PDZD9: variants seen among roughly 807,000 people sequenced by gnomAD.
PDZD9 encodes PDZ domain-containing protein 9.
PDZD9 carries 13 observed loss-of-function variants against 16.3 expected under a neutral mutation model. That is an observed-to-expected ratio of 0.80 (90% CI 0.52 to 1.27). The LOEUF is 1.27. Ranked by LOEUF, PDZD9 falls within the 50% of genes most tolerant of loss-of-function variation. PDZD9 has a pLI of 0.00. For missense variants in PDZD9, 288 were observed against 310.9 expected (o/e 0.93, Z 0.55); for synonymous variants, 120 against 111.0 (o/e 1.08, Z -0.51).
chr16:22,000,876 A>ATGATG (rs1899283125), intron 1 of PDZD9, 141 bp downstream of exon 1: 5 of 545,250 alleles, frequency 9.2e-6, no homozygotes, highest in African/African-American at 2.6e-5. Flanking sequence ...TGATGATGAT[A>ATGATG]ATGATGATGA....
intron 2 of PDZD9, chr16:21,995,401 A>G: frequency 5.7e-6 from 2 of 348,536 alleles, no homozygotes; most frequent in Middle Eastern, 1.0e-3. Context: ...ACTAATATAG[A>G]CAGCATCTCA....
the PDZD9 span, chr16:21,962,837 C>G: frequency 2.5e-6 from 4 of 1,614,070 alleles, no homozygotes; most frequent in Non-Finnish European, 3.4e-6. Flanking sequence ...TGACCTTCAG[C>G]CTCAGCTAAA....
chr16:21,969,676 C>T, the PDZD9 span, among the ~76,000 whole-genome samples: 1 of 152,058 alleles, frequency 6.6e-6, no homozygotes, highest in Non-Finnish European at 1.5e-5. Flanking sequence ...CAAATTACAG[C>T]TTAAGATATA....
the PDZD9 span, among the ~76,000 whole-genome samples, chr16:21,969,978 C>T: frequency 6.6e-6 from 1 of 152,056 alleles, no homozygotes; most frequent in Non-Finnish European, 1.5e-5. Context: ...AGGTGATCCT[C>T]CCACCTCAGC....
the PDZD9 span, chr16:21,973,968 G>A: frequency 6.2e-7 from 1 of 1,607,494 alleles, no homozygotes; most frequent in Non-Finnish European, 8.5e-7. Flanking sequence ...GGCCACAGCT[G>A]CTGGAGATGT....
the PDZD9 span, chr16:21,968,764 A>C: frequency 7.6e-7 from 1 of 1,313,168 alleles, no homozygotes; most frequent in Non-Finnish European, 1.0e-6. Context: ...TGAACATAGG[A>C]TTGAACAAAA....
the PDZD9 span, chr16:21,971,643 G>T: frequency 8.7e-6 from 14 of 1,608,076 alleles, no homozygotes; most frequent in Non-Finnish European, 1.2e-5. Flanking sequence ...TTCTATTAGG[G>T]TTAATTTATC....
chr16:21,969,510 C>T, the PDZD9 span, among the ~76,000 whole-genome samples: 9 of 152,098 alleles, frequency 5.9e-5, no homozygotes, highest in African/African-American at 1.2e-4. Flanking sequence ...CCAGCAAGGG[C>T]GACAGAGTGA....
the PDZD9 span, chr16:21,962,625 T>A: frequency 1.3e-6 from 2 of 1,592,048 alleles, no homozygotes; most frequent in Non-Finnish European, 1.7e-6. Flanking sequence ...TTTTGGATTA[T>A]TGTTCATAAA....
intron 2 of PDZD9, among the ~76,000 whole-genome samples, chr16:21,990,894 C>G (rs1171123557): frequency 6.6e-6 from 1 of 152,198 alleles, no homozygotes. Context: ...GCCCTTCATA[C>G]AGAAACACCA....
intron 2 of PDZD9, among the ~76,000 whole-genome samples, chr16:21,994,825 A>C (rs1272617793): frequency 5.3e-5 from 8 of 151,846 alleles, no homozygotes; most frequent in Non-Finnish European, 8.8e-5. Flanking sequence ...TCATTAAGTA[A>C]ATTTAATTTT....
At position 21,984,017 on chromosome 16, in the gene PDZD9, T is replaced by C. The variant is rs969827662; in HGVS notation, c.*250A>G. Reference sequence around the variant, plus strand: ...TATTGGATTTCTCTACGGCATTTTCTAAAAGAAAGAAATTCTTCTCAAAAA... The same window carrying C: ...TATTGGATTTCTCTACGGCATTTTCCAAAAGAAAGAAATTCTTCTCAAAAA... On this transcript the variant is annotated 3_prime_UTR_variant, in exon 4 of 4. Transcript: ENST00000424898. The C allele has an allele frequency of 3.0e-6, 1 of 333,404 alleles. No individual in the cohort carries two copies. Among genetic ancestry groups the C allele is most frequent in the African/African-American group, 2.1e-5 (1 of 47,422 alleles). 20.7% of individuals were successfully genotyped at this position (333,404 alleles called of 1,614,324 possible).
chr16:21,962,419 C>T, the PDZD9 span: 10 of 1,609,958 alleles, frequency 6.2e-6, no homozygotes, highest in Non-Finnish European at 8.5e-6. Flanking sequence ...AGCTTACTAT[C>T]CTGATTCAGA....
At chr16:21,980,388 A>G, downstream of PDZD9, 1 of 741,734 alleles carries the variant, frequency 1.3e-6, no homozygotes, top group Non-Finnish European at 2.2e-6. Context: ...GTTCCAGAGA[A>G]GGGAGTGGCA....
rs1212859965 is a variant in PDZD9 at position 21,988,586 on chromosome 16, A to G, written c.401+16T>C. The stretch of plus-strand genomic sequence containing the variant: ...TTCTGTATTATAACAAAGAGTTCCT[A>G]AAATGAACTATTTACCTTGTTACTG... On this transcript the variant is annotated intron_variant, in intron 3 of 3. Coordinates refer to ENST00000424898, the MANE Select transcript of PDZD9 (RefSeq NM_001363519.1). The G allele has an allele frequency of 6.3e-7, 1 of 1,584,856 alleles. No individual in the cohort carries two copies.
chr16:21,970,064 G>C, the PDZD9 span, among the ~76,000 whole-genome samples: 22 of 152,102 alleles, frequency 1.4e-4, no homozygotes, highest in South Asian at 4.4e-3. Flanking sequence ...GGAGTCATAC[G>C]ATATGTGGCC....
the PDZD9 span, among the ~76,000 whole-genome samples, chr16:21,974,305 T>G: frequency 6.6e-6 from 1 of 152,024 alleles, no homozygotes; most frequent in Non-Finnish European, 1.5e-5. Context: ...GTGTAGAGAT[T>G]GTGTTGAAAT....
intron 3 of PDZD9, among the ~76,000 whole-genome samples, chr16:21,988,133 G>A (rs976824216): frequency 6.8e-6 from 1 of 147,866 alleles, no homozygotes; most frequent in Non-Finnish European, 1.5e-5. Context: ...TCAGCCTCCC[G>A]AATAGCTGGA....
At chr16:21,965,605 C>A in the PDZD9 span, 3 of 1,027,312 alleles carry the variant, frequency 2.9e-6, no homozygotes, top group Non-Finnish European at 2.7e-6. Context: ...TATCTTCTAA[C>A]TTTAAGAAAT....
Sources: gnomAD v4.1 joint callset for allele counts (sites outside exome capture counted in the v4.1 genomes callset) on GRCh38, gnomAD v4.1.1 for gene constraint, MANE v1.5 for transcripts, NCBI Gene and HGNC (gene_info 2026-07-23, HGNC 2026-07-21) for gene names.